ZNF664: variants seen among roughly 807,000 people sequenced by gnomAD.
ZNF664 encodes zinc finger protein 664.
Under a neutral mutation model 18.2 loss-of-function variants are expected in ZNF664, and 10 were observed. The ratio of observed to expected loss-of-function variants is 0.55; its 90% confidence interval spans 0.34 to 0.93. ZNF664 has a LOEUF of 0.93. Ranked by LOEUF, ZNF664 falls within the 40% of genes least tolerant of loss-of-function variation. The pLI is 0.02. For missense variants in ZNF664, 193 were observed against 319.0 expected, an observed-to-expected ratio of 0.61 and a Z score of 3.01; for synonymous variants, 119 against 104.2, an observed-to-expected ratio of 1.14 and a Z score of -0.86.
chr12:123,974,050 C>T (rs942451081), intron 2 of ZNF664, 30 bp downstream of exon 2: 12 of 1,007,038 alleles, frequency 1.2e-5, no homozygotes, highest in African/African-American at 1.2e-4. Flanking sequence ...TGTCCACTTC[C>T]CTCTGACTCC....
Position 123,988,043 on chromosome 12 carries a change from C to T in ZNF664, c.-756C>T. 1 of 1,231,486 alleles carries T rather than the reference C, an allele frequency of 8.1e-7. No individual in the cohort carries two copies. The highest frequency in any genetic ancestry group is 1.0e-6 in the Non-Finnish European group (1 of 987,800). The allele number at this position is 1,231,486 out of a possible 1,614,324, so 76.3% of individuals were successfully genotyped here. ...TTCTCTTTGCATTTCTCCCATCCAG[C>T]AGGATCCTAAGGCCTTTGTAGTCCT... is the stretch of plus-strand genomic sequence containing the variant. On this transcript the variant is annotated splice_region_variant and 5_prime_UTR_variant, in exon 3 of 5. Transcript: ENST00000337815.
Position 124,013,084 on chromosome 12 carries a change from T to A in ZNF664, c.*154T>A, listed in dbSNP as rs1176211720. ...TATGTGAGATTGATTTGTTGGTTCATGCCAAGTGTGTTCCACAGGTTGACT... is the reference window on the plus strand; with the variant it reads ...TATGTGAGATTGATTTGTTGGTTCAAGCCAAGTGTGTTCCACAGGTTGACT... On this transcript the variant is annotated 3_prime_UTR_variant, in exon 5 of 5. Coordinates refer to ENST00000337815, the MANE Select transcript of ZNF664 (RefSeq NM_152437.3). The A allele has an allele frequency of 1.9e-6, 2 of 1,066,006 alleles. No individual in the cohort carries two copies. The highest frequency in any genetic ancestry group is 1.3e-6 in the Non-Finnish European group (1 of 752,110). 66.0% of individuals were successfully genotyped at this position (1,066,006 alleles called of 1,614,324 possible). A position where few individuals can be genotyped will look rare whatever the true frequency, so the allele number is the denominator to read the frequency against.
chr12:123,993,324 TG>T (rs1050868120), intron 3 of ZNF664, among the ~76,000 whole-genome samples: 2 of 152,318 alleles, frequency 1.3e-5, no homozygotes, highest in Non-Finnish European at 2.9e-5. Flanking sequence ...GAATCTGCCT[TG>T]GGCAGCCAGA....
chr12:123,974,420 A>G (rs1426234229), intron 2 of ZNF664: 1 of 164,072 alleles, frequency 6.1e-6, no homozygotes, highest in African/African-American at 2.4e-5. Context: ...CACAGGCTGG[A>G]ACGGTTTTTA....
At chr12:124,003,533 G>A (rs1047186676) in intron 3 of ZNF664, 10 of 152,464 alleles carry the variant, frequency 6.6e-5, no homozygotes, top group Non-Finnish European at 1.3e-4. Flanking sequence ...GAGTAGCTGG[G>A]ATTACAGGTG....
intron 2 of ZNF664, among the ~76,000 whole-genome samples, chr12:123,982,946 G>T (rs913514321): frequency 6.6e-6 from 1 of 152,152 alleles, no homozygotes; most frequent in Non-Finnish European, 1.5e-5. Flanking sequence ...CTTGAGGCTG[G>T]GAGTTTGAGA....
In ZNF664 at chr12:124,012,062, G is replaced by T. The variant is rs1957140483; in HGVS notation, c.-83G>T. 9 of 1,496,838 alleles carry T rather than the reference G, an allele frequency of 6.0e-6. No homozygotes were observed. The highest frequency in any genetic ancestry group is 2.8e-5 in the African/African-American group (2 of 71,142). 92.7% of individuals were successfully genotyped at this position (1,496,838 alleles called of 1,614,324 possible). ...ATAGACTGCCAAAATGGCCAAATAA[G>T]AGACTCTATGAAATAACAGTCTTGT... On this transcript the variant is annotated 5_prime_UTR_variant, in exon 5 of 5. Transcript: ENST00000337815.
In ZNF664 at chr12:123,988,039, C is replaced by A; in HGVS notation, c.-756-4C>A. ...ATTTTTCTCTTTGCATTTCTCCCAT[C>A]CAGCAGGATCCTAAGGCCTTTGTAG... is the stretch of plus-strand genomic sequence containing the variant. On this transcript the variant is annotated splice_region_variant and splice_polypyrimidine_tract_variant and intron_variant, in intron 2 of 4. Coordinates refer to ENST00000337815, the MANE Select transcript of ZNF664 (RefSeq NM_152437.3). The A allele has an allele frequency of 1.6e-6, 2 of 1,231,490 alleles. No homozygotes were observed. The highest frequency in any genetic ancestry group is 2.0e-6 in the Non-Finnish European group (2 of 987,792). 76.3% of individuals were successfully genotyped at this position (1,231,490 alleles called of 1,614,324 possible). A position where few individuals can be genotyped will look rare whatever the true frequency, so the allele number is the denominator to read the frequency against.
At chr12:123,986,626 GT>G in intron 2 of ZNF664, among the ~76,000 whole-genome samples, 1 of 152,296 alleles carries the variant, frequency 6.6e-6, no homozygotes, top group East Asian at 1.9e-4. Flanking sequence ...ATCTGATTTT[GT>G]TTTGCTTTTA....
intron 3 of ZNF664, among the ~76,000 whole-genome samples, chr12:123,996,295 T>A (rs1180731217): frequency 6.6e-6 from 1 of 152,188 alleles, no homozygotes; most frequent in Non-Finnish European, 1.5e-5. Flanking sequence ...GAGCTGCAAC[T>A]TGAATTACAA....
intron 2 of ZNF664, among the ~76,000 whole-genome samples, chr12:123,977,462 CAAAAAA>C (rs58043898): frequency 2.1e-5 from 2 of 94,180 alleles, no homozygotes; most frequent in South Asian, 4.5e-4. Flanking sequence ...CTAAAATGGC[CAAAAAA>C]AAAAAAAAAA....
intron 3 of ZNF664, among the ~76,000 whole-genome samples, chr12:124,000,992 A>G (rs572318603): frequency 6.6e-6 from 1 of 152,158 alleles, no homozygotes; most frequent in South Asian, 2.1e-4. Context: ...CGACTTTTGG[A>G]TATCATGAGC....
chr12:123,984,220 G>A (rs1327770593), intron 2 of ZNF664, among the ~76,000 whole-genome samples: 1 of 152,192 alleles, frequency 6.6e-6, no homozygotes, highest in South Asian at 2.1e-4. Context: ...CCGGCCAACT[G>A]ATAATACTGG....
rs1957141099 is a variant in ZNF664, at chr12:124,012,100, C to T, written c.-45C>T. The T allele has an allele frequency of 6.4e-7, 1 of 1,562,176 alleles. No homozygotes were observed. The highest frequency in any genetic ancestry group is 2.0e-5 in the Admixed American group (1 of 49,704). ...ATAACAGTCTTGTAACTGTAGTAAT[C>T]ATAAGGAAATTTTCTCCTTGAAATC... On this transcript the variant is annotated 5_prime_UTR_variant, in exon 5 of 5. Transcript: ENST00000337815.
chr12:123,995,323 T>C (rs1956935588), intron 3 of ZNF664, among the ~76,000 whole-genome samples: 1 of 152,262 alleles, frequency 6.6e-6, no homozygotes, highest in South Asian at 2.1e-4. Context: ...ACATTTAGCC[T>C]CTGAGTCAAT....
chr12:124,000,280 CCTT>C (rs1322425308), intron 3 of ZNF664, among the ~76,000 whole-genome samples: 8 of 152,288 alleles, frequency 5.3e-5, no homozygotes, highest in Admixed American at 1.3e-4. Context: ...ATTGCCCTCT[CCTT>C]CTCAGCAGAT....
At chr12:124,007,903 C>A (rs1302771399) in intron 3 of ZNF664, among the ~76,000 whole-genome samples, 2 of 152,150 alleles carry the variant, frequency 1.3e-5, no homozygotes, top group East Asian at 1.9e-4. Flanking sequence ...CCCGTCATTC[C>A]TGTTCTTCAC....
intron 3 of ZNF664, among the ~76,000 whole-genome samples, chr12:123,999,190 C>T (rs1566203990): frequency 6.6e-6 from 1 of 152,178 alleles, no homozygotes; most frequent in Non-Finnish European, 1.5e-5. Flanking sequence ...GTCATCTCAA[C>T]TCATTGCAGT....
rs1594569007 is a variant in ZNF664 at position 124,003,185 on chromosome 12, G to A, written c.-660-8196G>A. ...ACTAGAACATGTTTGTATGAGAATG[G>A]ACCTATAGCTAGGATGGAATTGACA... On this transcript the variant is annotated intron_variant, in intron 3 of 4. Transcript: ENST00000337815. Among the ~76,000 whole-genome samples the A allele has an allele frequency of 2.0e-5, 3 of 152,274 alleles. No individual in the cohort carries two copies. The South Asian group carries it at 6.2e-4, about 32-fold the overall frequency.
Sources: allele counts gnomAD v4.1 joint callset (sites outside exome capture counted in the v4.1 genomes callset), GRCh38; gene constraint gnomAD v4.1.1; transcripts MANE v1.5; gene names NCBI Gene and HGNC (gene_info 2026-07-23, HGNC 2026-07-21).